The following SGCZ variants were observed in gnomAD, a reference collection of about 807,000 sequenced individuals.
The protein encoded by SGCZ is zeta-sarcoglycan.
Under a neutral mutation model 41.3 loss-of-function variants are expected in SGCZ, and 40 were observed. The ratio of observed to expected loss-of-function variants is 0.97; its 90% CI spans 0.75 to 1.26. The LOEUF is 1.26. Ranked by LOEUF, SGCZ falls within the 50% of genes most tolerant of loss-of-function variation. SGCZ has a pLI of 0.00. For missense variants in SGCZ, 552 were observed against 369.8 expected (o/e 1.49, Z -4.04); for synonymous variants, 206 against 137.5 (o/e 1.50, Z -3.49).
intron 1 of SGCZ, among the ~76,000 whole-genome samples, chr8:14,773,810 A>G (rs753715057): frequency 8.5e-5 from 13 of 152,204 alleles, no homozygotes; most frequent in Non-Finnish European, 1.3e-4. Flanking sequence ...TCCACACCCA[A>G]TTGCCTCAAT....
At chr8:14,753,336 C>T (rs752258906) in intron 1 of SGCZ, among the ~76,000 whole-genome samples, 9 of 152,138 alleles carry the variant, frequency 5.9e-5, no homozygotes, top group Non-Finnish European at 2.9e-5. Flanking sequence ...TGTTAAATAA[C>T]ATATTTATCT....
At chr8:14,729,945 C>T (rs1357331679) in intron 1 of SGCZ, among the ~76,000 whole-genome samples, 1 of 152,072 alleles carries the variant, frequency 6.6e-6, no homozygotes, top group East Asian at 1.9e-4. Flanking sequence ...ATTAGCCGGG[C>T]ATGGTAGGAC....
intron 1 of SGCZ, among the ~76,000 whole-genome samples, chr8:15,027,343 AC>A (rs1803495269): frequency 6.6e-6 from 1 of 152,050 alleles, no homozygotes; most frequent in African/African-American, 2.4e-5. Flanking sequence ...TTTATTTAAT[AC>A]AGATGGGAAA....
intron 1 of SGCZ, among the ~76,000 whole-genome samples, chr8:15,138,563 T>G (rs373654177): frequency 6.6e-6 from 1 of 152,138 alleles, no homozygotes; most frequent in Admixed American, 6.5e-5. Flanking sequence ...CTCCATGCCG[T>G]TCTCATGATA....
intron 1 of SGCZ, among the ~76,000 whole-genome samples, chr8:14,826,217 A>G (rs1455151669): frequency 6.6e-6 from 1 of 151,736 alleles, no homozygotes; most frequent in Non-Finnish European, 1.5e-5. Flanking sequence ...GTTTGCTGAG[A>G]ATGATGGTTT....
At chr8:14,324,600 A>T (rs998703214) in intron 2 of SGCZ, among the ~76,000 whole-genome samples, 7 of 152,150 alleles carry the variant, frequency 4.6e-5, no homozygotes, top group African/African-American at 1.7e-4. Context: ...TTATACAAAT[A>T]ACTCTAAAAT....
At chr8:15,012,682 TAATATA>T in intron 1 of SGCZ, among the ~76,000 whole-genome samples, 1 of 117,320 alleles carries the variant, frequency 8.5e-6, no homozygotes, top group East Asian at 2.6e-4. Flanking sequence ...TATATATTTA[TAATATA>T]AATATAAATA....
chr8:15,139,650 A>T (rs1808248259), intron 1 of SGCZ, among the ~76,000 whole-genome samples: 1 of 150,788 alleles, frequency 6.6e-6, no homozygotes, highest in Non-Finnish European at 1.5e-5. Flanking sequence ...CTACTTATTT[A>T]ACCAAAATTC....
At chr8:14,406,679 C>A (rs1215947869) in intron 2 of SGCZ, among the ~76,000 whole-genome samples, 1 of 150,930 alleles carries the variant, frequency 6.6e-6, no homozygotes, top group African/African-American at 2.5e-5. Context: ...GTCAGTTTAC[C>A]ATTGCCAGGG....
At chr8:14,237,510 A>G (rs541344008) in intron 4 of SGCZ, 82 bp downstream of exon 4, 1 of 1,287,656 alleles carries the variant, frequency 7.8e-7, no homozygotes, top group South Asian at 1.2e-5. Context: ...AACAACAACG[A>G]CAACAACAAG....
chr8:14,612,971 C>A (rs117649066), intron 1 of SGCZ, among the ~76,000 whole-genome samples: 15,522 of 152,200 alleles, frequency 0.1, 900 homozygotes, highest in African/African-American at 0.17. Flanking sequence ...CAGGCGTGAG[C>A]CACCATGCCC....
intron 1 of SGCZ, among the ~76,000 whole-genome samples, chr8:15,108,175 TG>T (rs1806904265): frequency 6.6e-6 from 1 of 152,238 alleles, no homozygotes; most frequent in African/African-American, 2.4e-5. Flanking sequence ...GCGTTAATTT[TG>T]CTGCTCTTTT....
intron 4 of SGCZ, among the ~76,000 whole-genome samples, chr8:14,185,074 A>C (rs1210732716): frequency 6.6e-6 from 1 of 152,136 alleles, no homozygotes; most frequent in East Asian, 1.9e-4. Flanking sequence ...ATGTATTTGT[A>C]CTACAAAATT....
chr8:14,942,230 G>A (rs1800300734), intron 1 of SGCZ, among the ~76,000 whole-genome samples: 1 of 152,064 alleles, frequency 6.6e-6, no homozygotes. Flanking sequence ...AAGAGCTCAT[G>A]TTCAACCAAG....
intron 1 of SGCZ, among the ~76,000 whole-genome samples, chr8:15,034,555 G>A (rs1025116697): frequency 1.3e-5 from 2 of 152,142 alleles, no homozygotes; most frequent in African/African-American, 4.8e-5. Flanking sequence ...AGAAATAATA[G>A]CAGAAAAACT....
chr8:15,021,673 T>G (rs1467328450), intron 1 of SGCZ, among the ~76,000 whole-genome samples: 2 of 152,162 alleles, frequency 1.3e-5, no homozygotes, highest in South Asian at 4.2e-4. Context: ...ATATGGTTTC[T>G]CACCACAGGA....
intron 2 of SGCZ, among the ~76,000 whole-genome samples, chr8:14,414,193 C>CACACACACACACATACAG (rs1491212651): frequency 2.0e-5 from 3 of 151,364 alleles, no homozygotes; most frequent in Non-Finnish European, 3.0e-5. Context: ...CACACTCGCG[C>CACACACACACACATACAG]ACACACACAC....
Position 14,085,480 on chromosome 8 carries a change from T to C in SGCZ, c.*4963A>G, listed in dbSNP as rs1372391445. Among the ~76,000 whole-genome samples the C allele has an allele frequency of 6.6e-6, 1 of 151,732 alleles. No homozygotes were observed. The highest frequency in any genetic ancestry group is 1.5e-5 in the Non-Finnish European group (1 of 67,772). On this transcript the variant is annotated 3_prime_UTR_variant, in exon 8 of 8. Transcript: ENST00000382080. ...TACTAAGACTGAAAAAAACAAAAAA[T>C]AACTACAGTTCATTATATCTCATTT...
intron 2 of SGCZ, among the ~76,000 whole-genome samples, chr8:14,539,542 CT>C (rs201971498): frequency 0.011 from 1,697 of 151,358 alleles, 15 homozygotes; most frequent in Middle Eastern, 0.028. Context: ...TCATTTTTTG[CT>C]TTTTTTTAAA....
Sources: allele counts gnomAD v4.1 joint callset (sites outside exome capture counted in the v4.1 genomes callset), GRCh38; gene constraint gnomAD v4.1.1; transcripts MANE v1.5; gene names NCBI Gene and HGNC (gene_info 2026-07-23, HGNC 2026-07-21).